Variants in PEAK1 observed in about 807,000 individuals in gnomAD.
PEAK1 encodes the protein pseudopodium enriched atypical kinase 1, also known as inactive tyrosine-protein kinase PEAK1.
In PEAK1, 54 loss-of-function variants were observed where a neutral mutation model predicts 124.7. That is an observed-to-expected ratio of 0.43 (90% CI 0.35 to 0.54). PEAK1 has a LOEUF of 0.54. Ranked by LOEUF, PEAK1 falls within the 20% of genes least tolerant of loss-of-function variation. PEAK1 has a pLI of 0.01. For missense variants in PEAK1, 2,046 were observed against 2,134.5 expected, an observed-to-expected ratio of 0.96 and a Z score of 0.82; for synonymous variants, 719 against 760.0, an observed-to-expected ratio of 0.95 and a Z score of 0.89.
chr15:77,283,876 T>C lies in PEAK1; in HGVS notation c.-275+7A>G. On this transcript the variant is annotated splice_region_variant and intron_variant, in intron 5 of 9. Coordinates refer to ENST00000682557, the MANE Select transcript of PEAK1 (RefSeq NM_001385026.1). ...CTCATAGACCTTATTACTTGCCACTTCCTTACCTCTTTGTTACTGTTATTT... is the reference window on the plus strand; with the variant it reads ...CTCATAGACCTTATTACTTGCCACTCCCTTACCTCTTTGTTACTGTTATTT... 2.0e-6 allele frequency: 2 copies of C among 978,162 alleles called. No individual in the cohort carries two copies. Among genetic ancestry groups the C allele is most frequent in the Middle Eastern group, 5.3e-4 (1 of 1,904 alleles). The allele number at this position is 978,162 out of a possible 1,614,324, so 60.6% of individuals were successfully genotyped here. A position where few individuals can be genotyped will look rare whatever the true frequency, so the allele number is the denominator to read the frequency against.
chr15:77,107,237 C>T (rs1178751863), downstream of PEAK1: 1 of 152,402 alleles, frequency 6.6e-6, no homozygotes, highest in Non-Finnish European at 1.5e-5. Context: ...GCAGGCTACA[C>T]AGCTGCAGCA....
intron 2 of PEAK1, among the ~76,000 whole-genome samples, chr15:77,306,514 T>G (rs1396786241): frequency 2.0e-5 from 3 of 152,200 alleles, no homozygotes; most frequent in Admixed American, 2.0e-4. Flanking sequence ...AGAGAAAGAA[T>G]AGTTATAATC....
chr15:77,331,423 C>T (rs898848545), intron 2 of PEAK1, among the ~76,000 whole-genome samples: 2 of 152,058 alleles, frequency 1.3e-5, no homozygotes, highest in East Asian at 1.9e-4. Flanking sequence ...AGCCACCATG[C>T]CTGGACAATT....
Position 77,158,651 on chromosome 15 carries a change from T to C in PEAK1, c.3183A>G (p.Pro1061=), listed in dbSNP as rs2055364339. The C allele has an allele frequency of 6.2e-7, 1 of 1,614,158 alleles. No individual in the cohort carries two copies. ...EVTEDFSPRD[P]RTVVGKQDGR... is the part of the protein sequence containing the mutation. ...CATCTTGCTTCCCAACAACAGTTCT[T>C]GGATCCCGAGGAGAAAAATCCTCTG... Residue 1061 remains proline (P), a synonymous_variant, in exon 8 of 10, where the codon CCA becomes CCG. Coordinates refer to ENST00000682557, the MANE Select transcript of PEAK1 (RefSeq NM_001385026.1).
At chr15:77,323,407 C>T (rs565023952) in intron 2 of PEAK1, among the ~76,000 whole-genome samples, 1 of 152,266 alleles carries the variant, frequency 6.6e-6, no homozygotes, top group African/African-American at 2.4e-5. Flanking sequence ...CCAAAATCTC[C>T]TTAAGCTGAT....
chr15:77,181,957 T>C lies in PEAK1; in HGVS notation c.-31A>G. 1 of 1,523,898 alleles carries C rather than the reference T, an allele frequency of 6.6e-7. No individual in the cohort carries two copies. Among genetic ancestry groups the C allele is most frequent in the Non-Finnish European group, 8.8e-7 (1 of 1,138,810 alleles). 94.4% of individuals were successfully genotyped at this position (1,523,898 alleles called of 1,614,324 possible). A position where few individuals can be genotyped will look rare whatever the true frequency, so the allele number is the denominator to read the frequency against. On this transcript the variant is annotated 5_prime_UTR_variant, in exon 7 of 10. Coordinates refer to ENST00000682557, the MANE Select transcript of PEAK1 (RefSeq NM_001385026.1). Reference sequence around the variant, plus strand: ...AAAATAGAACTTCACAGACAATGCTTTTCTTTCAGTGCATGACAAAACTTT... The same window carrying C: ...AAAATAGAACTTCACAGACAATGCTCTTCTTTCAGTGCATGACAAAACTTT...
chr15:77,168,793 C>T (rs186982477), intron 7 of PEAK1, among the ~76,000 whole-genome samples: 2 of 152,334 alleles, frequency 1.3e-5, no homozygotes, highest in East Asian at 1.9e-4. Flanking sequence ...TTCAGTCTGC[C>T]TGTCCAAACC....
chr15:77,410,383 C>T (rs776832006), intron 1 of PEAK1, among the ~76,000 whole-genome samples: 1 of 152,110 alleles, frequency 6.6e-6, no homozygotes, highest in Non-Finnish European at 1.5e-5. Context: ...CCTTGGCCTC[C>T]CAAAATGCTG....
At chr15:77,383,432 C>G (rs1293591697) in intron 1 of PEAK1, among the ~76,000 whole-genome samples, 3 of 152,182 alleles carry the variant, frequency 2.0e-5, no homozygotes, top group Non-Finnish European at 4.4e-5. Flanking sequence ...ACTCCACGTT[C>G]CTTTTTGATC....
intron 1 of PEAK1, among the ~76,000 whole-genome samples, chr15:77,414,401 T>G (rs1179885408): frequency 2.7e-5 from 4 of 150,062 alleles, no homozygotes; most frequent in South Asian, 2.1e-4. Flanking sequence ...TTTTTTTTTT[T>G]GTAAGCGACG....
intron 2 of PEAK1, among the ~76,000 whole-genome samples, chr15:77,341,244 G>A (rs897238387): frequency 6.6e-5 from 10 of 152,044 alleles, no homozygotes; most frequent in African/African-American, 1.7e-4. Context: ...GGCTCACACC[G>A]CCTGTAATCC....
intron 8 of PEAK1, among the ~76,000 whole-genome samples, chr15:77,135,937 A>G (rs553774653): frequency 1.3e-5 from 2 of 152,330 alleles, no homozygotes; most frequent in South Asian, 4.2e-4. Flanking sequence ...TGGTACCAGT[A>G]GAGTGGGGTG....
At chr15:77,415,594 A>C (rs1042667864) in intron 1 of PEAK1, among the ~76,000 whole-genome samples, 12 of 152,092 alleles carry the variant, frequency 7.9e-5, no homozygotes, top group African/African-American at 2.9e-4. Flanking sequence ...CTATTCTACC[A>C]CGTTCCCTTC....
At chr15:77,320,211 T>A (rs889763256) in intron 2 of PEAK1, among the ~76,000 whole-genome samples, 2 of 152,122 alleles carry the variant, frequency 1.3e-5, no homozygotes, top group African/African-American at 4.8e-5. Context: ...AGTTCCTCTT[T>A]ACTCCCTAGT....
chr15:77,333,996 G>C (rs1567272481), intron 2 of PEAK1: 1 of 452,864 alleles, frequency 2.2e-6, no homozygotes, highest in East Asian at 1.5e-4. Context: ...CATAGATTTG[G>C]GAAGAATTAA....
intron 5 of PEAK1, among the ~76,000 whole-genome samples, chr15:77,279,875 C>G (rs1412909276): frequency 6.6e-6 from 1 of 152,120 alleles, no homozygotes; most frequent in Admixed American, 6.5e-5. Context: ...TATTCTGGAA[C>G]AGGTAAAACT....
intron 2 of PEAK1, chr15:77,350,479 G>T (rs1295359748): frequency 2.0e-6 from 2 of 985,082 alleles, no homozygotes; most frequent in African/African-American, 3.5e-5. Context: ...AAGGTATGTT[G>T]CTTGTCTGTC....
At chr15:77,258,895 G>A (rs1196173668) in intron 5 of PEAK1, among the ~76,000 whole-genome samples, 6 of 152,112 alleles carry the variant, frequency 3.9e-5, no homozygotes, top group Admixed American at 6.6e-5. Context: ...TTTGAGATAC[G>A]TCCCATCAAT....
chr15:77,281,899 A>G (rs935980269), intron 5 of PEAK1, among the ~76,000 whole-genome samples: 2 of 152,178 alleles, frequency 1.3e-5, no homozygotes, highest in African/African-American at 2.4e-5. Flanking sequence ...ATTCTCCTTT[A>G]TTACCTATAC....
Sources: allele counts gnomAD v4.1 joint callset (sites outside exome capture counted in the v4.1 genomes callset), GRCh38; gene constraint gnomAD v4.1.1; transcripts MANE v1.5; gene names NCBI Gene and HGNC (gene_info 2026-07-23, HGNC 2026-07-21).